The following CDK14 variants were observed in gnomAD, a reference collection of about 807,000 sequenced individuals.
CDK14 encodes the protein cyclin dependent kinase 14.
A neutral mutation model predicts 60.7 loss-of-function variants in CDK14; 34 were observed. The ratio of observed to expected loss-of-function variants is 0.56; its 90% confidence interval spans 0.43 to 0.75. The LOEUF is 0.75. CDK14 is among the 30% of genes least tolerant of loss of function. The pLI, the probability that CDK14 is intolerant of heterozygous loss-of-function variation, is 0.00. For synonymous variants in CDK14, 197 were observed against 203.7 expected, an observed-to-expected ratio of 0.97 and a Z score of 0.28; for missense variants, 482 against 564.1, an observed-to-expected ratio of 0.85 and a Z score of 1.47.
At chr7:91,011,593 A>G (rs966256123) in intron 10 of CDK14, among the ~76,000 whole-genome samples, 5 of 151,988 alleles carry the variant, frequency 3.3e-5, no homozygotes, top group African/African-American at 1.2e-4. Flanking sequence ...GGGCAAGTTC[A>G]TTGACTGATT....
chr7:90,966,684 G>C (rs955555111), intron 9 of CDK14, among the ~76,000 whole-genome samples: 2 of 152,106 alleles, frequency 1.3e-5, no homozygotes, highest in Middle Eastern at 3.2e-3. Flanking sequence ...TTTAGGATGA[G>C]ATGAGGGATA....
At chr7:90,901,851 A>G (rs547960493) in intron 7 of CDK14, among the ~76,000 whole-genome samples, 3 of 152,064 alleles carry the variant, frequency 2.0e-5, no homozygotes, top group Non-Finnish European at 4.4e-5. Context: ...AAGTAATCTT[A>G]TGTATAGAAA....
intron 12 of CDK14, among the ~76,000 whole-genome samples, chr7:91,107,107 G>A (rs1466098131): frequency 6.6e-6 from 1 of 152,190 alleles, no homozygotes; most frequent in Non-Finnish European, 1.5e-5. Flanking sequence ...TAAAGAATTG[G>A]TCTTGCTTTT....
intron 2 of CDK14, among the ~76,000 whole-genome samples, chr7:90,653,035 T>C (rs17866846): frequency 0.06 from 9,200 of 152,256 alleles, 379 homozygotes; most frequent in East Asian, 0.19. Context: ...TGAACACTCT[T>C]GCCCTTTGGT....
At chr7:90,646,671 G>A (rs1375635551) in intron 2 of CDK14, among the ~76,000 whole-genome samples, 1 of 152,038 alleles carries the variant, frequency 6.6e-6, no homozygotes, top group East Asian at 1.9e-4. Context: ...CCACACTAGT[G>A]GAGCTTTTCT....
chr7:91,180,896 A>G (rs1488556413), intron 14 of CDK14, among the ~76,000 whole-genome samples: 1 of 152,210 alleles, frequency 6.6e-6, no homozygotes, highest in Non-Finnish European at 1.5e-5. Context: ...TGCCATGTAC[A>G]GAGCTTCAAC....
At chr7:91,071,185 G>A (rs950292647) in intron 11 of CDK14, among the ~76,000 whole-genome samples, 1 of 152,190 alleles carries the variant, frequency 6.6e-6, no homozygotes, top group African/African-American at 2.4e-5. Context: ...ATCAAGATCA[G>A]GGTCTTTTTC....
intron 14 of CDK14, among the ~76,000 whole-genome samples, chr7:91,132,590 AT>A (rs917734020): frequency 1.3e-5 from 2 of 152,028 alleles, no homozygotes; most frequent in African/African-American, 4.8e-5. Flanking sequence ...AGGAAGATGT[AT>A]TTTTTTTCTT....
At chr7:90,875,583 T>A (rs1232136391) in intron 6 of CDK14, among the ~76,000 whole-genome samples, 1 of 152,194 alleles carries the variant, frequency 6.6e-6, no homozygotes, top group African/African-American at 2.4e-5. Context: ...GTTTGTCTTG[T>A]GTTTTCCTGA....
intron 5 of CDK14, among the ~76,000 whole-genome samples, chr7:90,834,983 C>T (rs982046464): frequency 2.6e-5 from 4 of 152,090 alleles, no homozygotes; most frequent in South Asian, 2.1e-4. Context: ...ATTATCCATT[C>T]AGTGAATGTA....
At chr7:91,178,757 G>A (rs1460668583) in intron 14 of CDK14, among the ~76,000 whole-genome samples, 1 of 151,126 alleles carries the variant, frequency 6.6e-6, no homozygotes, top group Non-Finnish European at 1.5e-5. Context: ...ACCACTATTA[G>A]ATACCATCTC....
chr7:90,649,150 T>A (rs1800531982), intron 2 of CDK14, among the ~76,000 whole-genome samples: 1 of 152,314 alleles, frequency 6.6e-6, no homozygotes, highest in Non-Finnish European at 1.5e-5. Context: ...GGTGGAGAAC[T>A]GAAATGCAGT....
intron 10 of CDK14, among the ~76,000 whole-genome samples, chr7:91,033,397 G>A (rs1444543497): frequency 6.6e-6 from 1 of 152,190 alleles, no homozygotes; most frequent in Non-Finnish European, 1.5e-5. Context: ...GATGAAGGTG[G>A]ACCTGTGACC....
At chr7:91,020,116 T>C (rs1189055808) in intron 10 of CDK14, among the ~76,000 whole-genome samples, 1 of 152,220 alleles carries the variant, frequency 6.6e-6, no homozygotes, top group African/African-American at 2.4e-5. Flanking sequence ...AAACCTGTGC[T>C]GCCTCCTAAG....
chr7:90,968,202 G>T (rs763887151), intron 9 of CDK14, among the ~76,000 whole-genome samples: 1 of 151,996 alleles, frequency 6.6e-6, no homozygotes, highest in South Asian at 2.1e-4. Context: ...AGATGTTTGT[G>T]GGTTTTTAAA....
intron 2 of CDK14, among the ~76,000 whole-genome samples, chr7:90,607,028 T>G (rs1799432255): frequency 6.6e-6 from 1 of 152,188 alleles, no homozygotes; most frequent in South Asian, 2.1e-4. Context: ...TGTACTGACC[T>G]TGTAGTAAGG....
chr7:90,626,225 C>T (rs1363279261), intron 2 of CDK14, among the ~76,000 whole-genome samples: 1 of 152,144 alleles, frequency 6.6e-6, no homozygotes, highest in African/African-American at 2.4e-5. Context: ...TTTTCCACCC[C>T]TACATTCCTA....
chr7:91,148,444 T>C (rs1442493514), intron 14 of CDK14, among the ~76,000 whole-genome samples: 5 of 152,224 alleles, frequency 3.3e-5, no homozygotes, highest in Admixed American at 3.3e-4. Context: ...GAATCTTCCA[T>C]TTCCATTTCC....
intron 14 of CDK14, among the ~76,000 whole-genome samples, chr7:91,182,512 AT>A (rs552713167): frequency 6.6e-6 from 1 of 151,818 alleles, no homozygotes. Context: ...TCCTTATGCA[AT>A]TTTTTTTATT....
Sources: allele counts gnomAD v4.1 joint callset (sites outside exome capture counted in the v4.1 genomes callset), GRCh38; gene constraint gnomAD v4.1.1; transcripts MANE v1.5; gene names NCBI Gene and HGNC (gene_info 2026-07-23, HGNC 2026-07-21).